Variants in SORCS2 observed in about 807,000 individuals in gnomAD.
SORCS2 encodes sortilin related VPS10 domain containing receptor 2.
In SORCS2, 100 loss-of-function variants were observed where a neutral mutation model predicts 141.6. That is an observed-to-expected ratio of 0.71 (90% confidence interval 0.60 to 0.83). SORCS2 has a LOEUF of 0.83. Among genes scored for constraint, SORCS2 ranks in the 40% least tolerant of loss-of-function variants. SORCS2 has a pLI of 0.00. For missense variants in SORCS2, 1,646 were observed against 1,560.2 expected, an observed-to-expected ratio of 1.05 and a Z score of -0.93; for synonymous variants, 789 against 676.9, an observed-to-expected ratio of 1.17 and a Z score of -2.57.
intron 1 of SORCS2, among the ~76,000 whole-genome samples, chr4:7,350,087 A>G (rs949972864): frequency 4.6e-5 from 7 of 152,210 alleles, no homozygotes; most frequent in African/African-American, 1.7e-4. Context: ...AAGTCTGGCG[A>G]AAAGGGTATT....
intron 2 of SORCS2, among the ~76,000 whole-genome samples, chr4:7,512,427 G>T (rs1279813630): frequency 2.6e-5 from 4 of 151,004 alleles, no homozygotes; most frequent in Non-Finnish European, 5.9e-5. Flanking sequence ...GAGGGAGGAG[G>T]GGGAAGGGAG....
In SORCS2 at chr4:7,253,530, C is replaced by A. The variant is rs536511082; in HGVS notation, c.480+60404C>A. Among the ~76,000 whole-genome samples, 7 of 152,326 alleles carry A rather than the reference C, an allele frequency of 4.6e-5. No individual in the cohort carries two copies. In the South Asian group the frequency reaches 1.0e-3, roughly 23 times the overall value. On this transcript the variant is annotated intron_variant, in intron 1 of 26. Coordinates refer to ENST00000507866, the MANE Select transcript of SORCS2 (RefSeq NM_020777.3). ...ACCCCTCTGGTGCCTGCCTTTGTTCCCCCACTGAGTGCCGGGGCGGAGGAG... is the reference window on the plus strand; with the variant it reads ...ACCCCTCTGGTGCCTGCCTTTGTTCACCCACTGAGTGCCGGGGCGGAGGAG...
intron 3 of SORCS2, among the ~76,000 whole-genome samples, chr4:7,553,607 G>C (rs1713887260): frequency 6.6e-6 from 1 of 152,232 alleles, no homozygotes; most frequent in Non-Finnish European, 1.5e-5. Context: ...AGAGAGATGA[G>C]TGAGGCTCCA....
At chr4:7,373,060 C>T (rs542519045) in intron 1 of SORCS2, among the ~76,000 whole-genome samples, 122 of 145,034 alleles carry the variant, frequency 8.4e-4, no homozygotes, top group African/African-American at 2.9e-3. Flanking sequence ...TGTTTGTGTG[C>T]AGGTCTTGGT....
At position 7,433,531 on chromosome 4, in the gene SORCS2, A is replaced by G. The variant is rs201904662; in HGVS notation, c.548+37176A>G. On this transcript the variant is annotated intron_variant, in intron 2 of 26. Coordinates refer to ENST00000507866, the MANE Select transcript of SORCS2 (RefSeq NM_020777.3). Reference sequence around the variant, plus strand: ...GTCCATCATGTCCTTGAGACTCTCAATGAGCACGGGCTCGTACTGGGTGAC... The same window carrying G: ...GTCCATCATGTCCTTGAGACTCTCAGTGAGCACGGGCTCGTACTGGGTGAC... 2.7e-4 allele frequency: 433 copies of G among 1,609,694 alleles called. No homozygotes were observed. The highest frequency in any genetic ancestry group is 9.6e-4 in the Admixed American group (57 of 59,508).
At chr4:7,603,121 C>G (rs115678088) in intron 3 of SORCS2, among the ~76,000 whole-genome samples, 1,866 of 151,858 alleles carry the variant, frequency 0.012, 60 homozygotes, top group African/African-American at 0.043. Context: ...ACAGTTCAGC[C>G]TCCGCTCGGC....
At position 7,193,540 on chromosome 4, in the gene SORCS2, C is replaced by T. The variant is rs1246748980; in HGVS notation, c.480+414C>T. 6.6e-6 allele frequency among the ~76,000 whole-genome samples: 1 copy of T among 152,156 alleles called. No homozygotes were observed. The highest frequency in any genetic ancestry group is 2.4e-5 in the African/African-American group (1 of 41,444). On this transcript the variant is annotated intron_variant, in intron 1 of 26. Transcript: ENST00000507866. The surrounding 1 kb of genome is among the most constrained non-coding windows in gnomAD (Gnocchi z 4.8). The stretch of plus-strand genomic sequence containing the variant: ...CGTCGCGTTCTGGGATTTTGGGCTC[C>T]GGGATCCTTCCCTCCCTGGTCTACC...
Position 7,192,946 on chromosome 4 carries a change from C to G in SORCS2, c.300C>G (p.Pro100=), listed in dbSNP as rs1024879574. ...GCGCCCCGGGTCCGAGTCCCGGTCC[C>G]GCTCCTGGTCCCGGCGAGGACGGCG... ...EPGAPGPSPG[P]APGPGEDGAP... is the part of the protein sequence containing the mutation. Residue 100 remains proline, a synonymous_variant, in exon 1 of 27, where the codon CCC becomes CCG. Coordinates refer to ENST00000507866, the MANE Select transcript of SORCS2 (RefSeq NM_020777.3). This position sits in a 1 kb window ranked among gnomAD's most constrained non-coding sequence, Gnocchi z 4.0. 2 of 1,314,944 alleles carry G rather than the reference C, an allele frequency of 1.5e-6. No homozygotes were observed. Among genetic ancestry groups the G allele is most frequent in the Non-Finnish European group, 1.9e-6 (2 of 1,039,302 alleles). 81.5% of individuals were successfully genotyped at this position (1,314,944 alleles called of 1,614,324 possible).
intron 1 of SORCS2, among the ~76,000 whole-genome samples, chr4:7,392,591 C>G (rs1157987282): frequency 6.6e-6 from 1 of 152,070 alleles, no homozygotes; most frequent in African/African-American, 2.4e-5. Context: ...CGGGCAGGTT[C>G]GGGAATTCCA....
intron 1 of SORCS2, among the ~76,000 whole-genome samples, chr4:7,363,163 C>T (rs1721692809): frequency 6.6e-6 from 1 of 150,448 alleles, no homozygotes. Flanking sequence ...GCCACCACCA[C>T]TACCACCATT....
At chr4:7,510,402 G>A (rs112169364) in intron 2 of SORCS2, among the ~76,000 whole-genome samples, 130 of 152,302 alleles carry the variant, frequency 8.5e-4, no homozygotes, top group Middle Eastern at 6.8e-3. Flanking sequence ...CCTGTCACCC[G>A]GCCGTCAGGG....
chr4:7,305,867 A>G (rs1052546905), intron 1 of SORCS2, among the ~76,000 whole-genome samples: 18 of 152,176 alleles, frequency 1.2e-4, no homozygotes, highest in African/African-American at 3.4e-4. Flanking sequence ...TGCCTCTGGC[A>G]ACTCACTACA....
chr4:7,555,693 T>A (rs185001302), intron 3 of SORCS2, among the ~76,000 whole-genome samples: 46 of 152,318 alleles, frequency 3.0e-4, no homozygotes, highest in Admixed American at 2.9e-3. Flanking sequence ...ATGTGCAAAG[T>A]GTCAGGAAAA....
intron 1 of SORCS2, among the ~76,000 whole-genome samples, chr4:7,270,834 C>A (rs780888654): frequency 8.5e-5 from 13 of 152,230 alleles, no homozygotes; most frequent in Non-Finnish European, 1.6e-4. Context: ...ACCACACACC[C>A]CACTGGGGAA....
intron 20 of SORCS2, among the ~76,000 whole-genome samples, chr4:7,726,234 AG>A (rs913269129): frequency 2.6e-5 from 4 of 152,200 alleles, no homozygotes; most frequent in African/African-American, 9.6e-5. Flanking sequence ...GTGAAGGCCC[AG>A]CCCGGCAGCC....
In SORCS2 at chr4:7,396,315, C is replaced by G; in HGVS notation, c.508C>G (p.His170Asp). The change falls in exon 2 of 27, where the codon CAC becomes GAC. Residue 170 changes from histidine to aspartate, a missense_variant. Coordinates refer to ENST00000507866, the MANE Select transcript of SORCS2 (RefSeq NM_020777.3). ...SVILILTKYY[H>D]ADMGKVLESS... The stretch of plus-strand genomic sequence containing the variant: ...GATCTTGATCCTGACGAAGTACTAC[C>G]ACGCAGACATGGGGAAGGTTCTGGA... The G allele has an allele frequency of 6.2e-7, 1 of 1,613,964 alleles. No individual in the cohort carries two copies. The highest frequency in any genetic ancestry group is 8.5e-7 in the Non-Finnish European group (1 of 1,179,886).
At chr4:7,435,396 A>C (rs1727233346) in intron 2 of SORCS2, among the ~76,000 whole-genome samples, 2 of 152,332 alleles carry the variant, frequency 1.3e-5, no homozygotes, top group South Asian at 4.1e-4. Flanking sequence ...CACCCCCTGG[A>C]TGCCACTGTT....
At chr4:7,381,886 C>A (rs1723013601) in intron 1 of SORCS2, 2 of 986,014 alleles carry the variant, frequency 2.0e-6, no homozygotes, top group Non-Finnish European at 2.4e-6. Context: ...CAGGCCACAG[C>A]CTTCAACCAG....
intron 3 of SORCS2, among the ~76,000 whole-genome samples, chr4:7,547,513 G>C (rs543880159): frequency 2.6e-4 from 39 of 152,368 alleles, no homozygotes; most frequent in African/African-American, 9.1e-4. Context: ...TGACTAACCA[G>C]CCATCAGAGG....
Sources: gnomAD v4.1 joint callset for allele counts (sites outside exome capture counted in the v4.1 genomes callset) on GRCh38, gnomAD v4.1.1 for gene constraint, Gnocchi (gnomAD v3.1) non-coding constraint, MANE v1.5 for transcripts, NCBI Gene and HGNC (gene_info 2026-07-23, HGNC 2026-07-21) for gene names.